The following TCF12 variants were observed in gnomAD, a reference collection of about 807,000 sequenced individuals.
TCF12 encodes the protein transcription factor 12, also known as DNA-binding protein HTF4.
TCF12 carries 45 observed loss-of-function variants against 86.0 expected under a neutral mutation model. The observed-to-expected ratio is 0.52, with a 90% CI of 0.41 to 0.67. The LOEUF is 0.67. Among genes scored for constraint, TCF12 ranks in the 30% least tolerant of loss-of-function variants. The pLI, the probability that TCF12 is intolerant of heterozygous loss-of-function variation, is 0.00. For missense variants in TCF12, 881 were observed against 859.9 expected, an observed-to-expected ratio of 1.02 and a Z score of -0.31; for synonymous variants, 330 against 299.6, an observed-to-expected ratio of 1.10 and a Z score of -1.05.
intron 3 of TCF12, among the ~76,000 whole-genome samples, chr15:57,060,502 A>T (rs866979352): frequency 1.2e-4 from 19 of 152,248 alleles, no homozygotes; most frequent in Non-Finnish European, 2.5e-4. Flanking sequence ...GAAAAAATTT[A>T]TTAGAAAGTC....
chr15:57,256,493 C>G (rs1487119598), intron 16 of TCF12, among the ~76,000 whole-genome samples: 1 of 152,126 alleles, frequency 6.6e-6, no homozygotes, highest in Admixed American at 6.6e-5. Flanking sequence ...ATACATCCTC[C>G]TAACTAATCA....
chr15:57,186,966 A>G (rs1255581589), intron 6 of TCF12, among the ~76,000 whole-genome samples: 2 of 152,194 alleles, frequency 1.3e-5, no homozygotes, highest in Admixed American at 1.3e-4. Context: ...AGATCACTTG[A>G]GGCCAGGAGT....
At chr15:57,191,517 T>C (rs1440060150) in intron 6 of TCF12, among the ~76,000 whole-genome samples, 1 of 152,146 alleles carries the variant, frequency 6.6e-6, no homozygotes. Context: ...TATGTGTTCA[T>C]GAAAGTATTA....
At chr15:57,088,162 C>A (rs1373618678) in intron 4 of TCF12, among the ~76,000 whole-genome samples, 3 of 152,146 alleles carry the variant, frequency 2.0e-5, no homozygotes. Context: ...GGTTTTTGTT[C>A]TTTTCTTGTC....
intron 8 of TCF12, among the ~76,000 whole-genome samples, chr15:57,200,417 G>A (rs975391903): frequency 6.6e-6 from 1 of 151,792 alleles, no homozygotes; most frequent in East Asian, 1.9e-4. Context: ...ATAAACTTTT[G>A]ACATGCAAAC....
chr15:56,997,009 T>C (rs969652193), intron 3 of TCF12, among the ~76,000 whole-genome samples: 3 of 152,128 alleles, frequency 2.0e-5, no homozygotes, highest in Non-Finnish European at 4.4e-5. Flanking sequence ...AGGGAACACA[T>C]AACACTATTG....
chr15:57,102,870 A>G (rs1271967632), intron 5 of TCF12, among the ~76,000 whole-genome samples: 1 of 152,198 alleles, frequency 6.6e-6, no homozygotes, highest in African/African-American at 2.4e-5. Flanking sequence ...TTAGTTTTCT[A>G]TAATCAGAAA....
At position 57,289,222 on chromosome 15, in the gene TCF12, T is replaced by TAA. The variant is rs2062026937; in HGVS notation, c.*3077_*3078insAA. On this transcript the variant is annotated 3_prime_UTR_variant, in exon 21 of 21. Transcript: ENST00000333725. ...GGTGCCTAACAGAACATTTTGCTTCTTGTGGGATTTAGTGAAAACTATTAA... is the reference window on the plus strand; with the variant it reads ...GGTGCCTAACAGAACATTTTGCTTCTAATGTGGGATTTAGTGAAAACTATTAA... 6.6e-6 allele frequency: 1 copy of TAA among 152,230 alleles called. No homozygotes were observed. The highest frequency in any genetic ancestry group is 2.4e-5 in the African/African-American group (1 of 41,462). 9.4% of individuals were successfully genotyped at this position (152,230 alleles called of 1,614,324 possible).
intron 5 of TCF12, among the ~76,000 whole-genome samples, chr15:57,152,348 T>C (rs1310904894): frequency 1.3e-5 from 2 of 152,172 alleles, no homozygotes; most frequent in South Asian, 2.1e-4. Context: ...GGCCCTGTTA[T>C]TGGAACTATC....
chr15:57,282,761 TAGAG>T (rs1434035736), intron 20 of TCF12, among the ~76,000 whole-genome samples, 163 bp downstream of exon 20: 46 of 152,372 alleles, frequency 3.0e-4, no homozygotes, highest in African/African-American at 8.9e-4. Context: ...TTATCAGACT[TAGAG>T]AGCCAGTGTC....
intron 5 of TCF12, among the ~76,000 whole-genome samples, chr15:57,114,171 G>A (rs2151250554): frequency 6.6e-6 from 1 of 152,230 alleles, no homozygotes; most frequent in East Asian, 1.9e-4. Flanking sequence ...CTTTGAAATA[G>A]GAGCATATTA....
At chr15:57,221,383 G>GGTGTGTGT (rs144351636) in intron 8 of TCF12, among the ~76,000 whole-genome samples, 3,901 of 148,626 alleles carry the variant, frequency 0.026, 70 homozygotes, top group Middle Eastern at 0.045. Flanking sequence ...ATGTGTGTGG[G>GGTGTGTGT]GTGTGTGTGT....
chr15:57,263,150 G>A lies in TCF12; in HGVS notation c.1621G>A (p.Glu541Lys). The change falls in exon 18 of 21, where the codon GAA becomes AAA. Residue 541 changes from glutamate to lysine, a missense_variant. This residue lies in a region of TCF12 where 766 missense variants were observed against 718.9 expected (regional missense o/e 1.07). Transcript: ENST00000333725. ...QSQSGTVVTT[E>K]IKTENKEKDE... is the part of the protein sequence containing the mutation. The stretch of plus-strand genomic sequence containing the variant: ...TCAGTCTGGAACTGTTGTTACAACA[G>A]AAATCAAGACTGAAAACAAAGAAAA... 6.2e-7 allele frequency: 1 copy of A among 1,612,638 alleles called. No homozygotes were observed. Among genetic ancestry groups the A allele is most frequent in the South Asian group, 1.1e-5 (1 of 90,708 alleles).
intron 5 of TCF12, among the ~76,000 whole-genome samples, chr15:57,158,902 G>A (rs1237438733): frequency 6.6e-6 from 1 of 152,198 alleles, no homozygotes; most frequent in Non-Finnish European, 1.5e-5. Flanking sequence ...CCAGCAGTGT[G>A]GTTGGCACAA....
At chr15:56,928,190 AT>A (rs1265097230) in intron 3 of TCF12, among the ~76,000 whole-genome samples, 1 of 152,172 alleles carries the variant, frequency 6.6e-6, no homozygotes, top group African/African-American at 2.4e-5. Context: ...TACTTTTTTC[AT>A]TTGTGAAAAG....
chr15:57,245,696 A>C (rs1316154753), intron 13 of TCF12, among the ~76,000 whole-genome samples: 11 of 152,134 alleles, frequency 7.2e-5, no homozygotes. Flanking sequence ...AAAATCTTAC[A>C]TTTCCTCCTT....
At chr15:57,165,996 T>TA (rs2054864584) in intron 5 of TCF12, among the ~76,000 whole-genome samples, 1 of 152,102 alleles carries the variant, frequency 6.6e-6, no homozygotes. Context: ...ACGTTGAAAA[T>TA]AAAGTATTTA....
At chr15:57,219,514 A>G (rs1412055895) in intron 8 of TCF12, 3 of 1,610,446 alleles carry the variant, frequency 1.9e-6, no homozygotes, top group Non-Finnish European at 2.5e-6. Flanking sequence ...AACATTTTCA[A>G]AATCAACATG....
At chr15:56,948,314 G>A (rs575102815) in intron 3 of TCF12, among the ~76,000 whole-genome samples, 2 of 151,994 alleles carry the variant, frequency 1.3e-5, no homozygotes, top group African/African-American at 2.4e-5. Flanking sequence ...ATTATTTATT[G>A]CTAAAGTCCA....
Sources: allele counts gnomAD v4.1 joint callset (sites outside exome capture counted in the v4.1 genomes callset), GRCh38; gene constraint gnomAD v4.1.1; regional missense constraint gnomAD v4.1.1; transcripts MANE v1.5; gene names NCBI Gene and HGNC (gene_info 2026-07-23, HGNC 2026-07-21).